Variants in CCSER1 observed in about 807,000 individuals in gnomAD.
CCSER1 encodes the protein serine-rich coiled-coil domain-containing protein 1.
Under a neutral mutation model 82.0 loss-of-function variants are expected in CCSER1, and 41 were observed. The observed-to-expected ratio is 0.50, with a 90% confidence interval of 0.39 to 0.65. The LOEUF (loss-of-function observed/expected upper bound fraction) is 0.65. Among genes scored for constraint, CCSER1 ranks in the 30% least tolerant of loss-of-function variants. The pLI is 0.00. For missense variants in CCSER1, 1,119 were observed against 1,064.2 expected (o/e 1.05, Z -0.72); for synonymous variants, 414 against 383.9 (o/e 1.08, Z -0.92).
At chr4:90,621,982 T>G (rs796298276) in intron 5 of CCSER1, among the ~76,000 whole-genome samples, 33 of 152,356 alleles carry the variant, frequency 2.2e-4, no homozygotes, top group African/African-American at 7.2e-4. Context: ...TATTTTGCTT[T>G]CTTTCATATG....
intron 4 of CCSER1, among the ~76,000 whole-genome samples, chr4:90,451,010 A>G (rs780350866): frequency 6.6e-6 from 1 of 152,240 alleles, no homozygotes; most frequent in Non-Finnish European, 1.5e-5. Flanking sequence ...AGAGTAATCC[A>G]TGGAATATGA....
chr4:90,132,025 C>T (rs1351485379), intron 1 of CCSER1, among the ~76,000 whole-genome samples: 1 of 152,048 alleles, frequency 6.6e-6, no homozygotes, highest in Non-Finnish European at 1.5e-5. Context: ...ACATGACTTT[C>T]AATAAATAAC....
intron 10 of CCSER1, among the ~76,000 whole-genome samples, chr4:91,243,324 G>C (rs2149132965): frequency 6.6e-6 from 1 of 152,298 alleles, no homozygotes; most frequent in East Asian, 1.9e-4. Flanking sequence ...TAACTTGAAA[G>C]GCAGTCTAGC....
chr4:90,451,670 A>G (rs775214029), intron 4 of CCSER1, among the ~76,000 whole-genome samples: 4 of 152,108 alleles, frequency 2.6e-5, no homozygotes, highest in Non-Finnish European at 4.4e-5. Flanking sequence ...AGCCCATTCT[A>G]TCTCTGCAGA....
chr4:91,308,610 C>A (rs1003924815), intron 10 of CCSER1, among the ~76,000 whole-genome samples: 2 of 151,792 alleles, frequency 1.3e-5, no homozygotes, highest in Admixed American at 6.6e-5. Flanking sequence ...ATTCTCAGTT[C>A]TGAAAAATGT....
intron 10 of CCSER1, among the ~76,000 whole-genome samples, chr4:91,225,315 AAT>A (rs1156801645): frequency 7.8e-6 from 1 of 128,382 alleles, no homozygotes; most frequent in African/African-American, 3.3e-5. Flanking sequence ...TTATATATGT[AAT>A]ATATATGTAT....
At chr4:90,212,818 A>C (rs1482590977) in intron 1 of CCSER1, among the ~76,000 whole-genome samples, 1 of 152,242 alleles carries the variant, frequency 6.6e-6, no homozygotes, top group African/African-American at 2.4e-5. Flanking sequence ...TTGAGCAGAG[A>C]TCTTTGGGTG....
chr4:90,589,387 G>T (rs1239424612), intron 5 of CCSER1, among the ~76,000 whole-genome samples: 7 of 151,876 alleles, frequency 4.6e-5, no homozygotes, highest in Non-Finnish European at 8.8e-5. Context: ...TTAAAAAAGA[G>T]TTTCATGTAC....
intron 10 of CCSER1, among the ~76,000 whole-genome samples, chr4:91,530,600 G>A (rs367746350): frequency 1.3e-5 from 2 of 151,182 alleles, no homozygotes; most frequent in African/African-American, 2.4e-5. Context: ...TACATATTTT[G>A]TCTCATTTCT....
intron 6 of CCSER1, among the ~76,000 whole-genome samples, chr4:90,702,039 C>T (rs1738259042): frequency 6.6e-6 from 1 of 152,150 alleles, no homozygotes; most frequent in African/African-American, 2.4e-5. Context: ...AGAGGGCACA[C>T]CTGCCTTGTG....
intron 10 of CCSER1, among the ~76,000 whole-genome samples, chr4:91,539,746 T>A (rs1371265801): frequency 6.6e-6 from 1 of 151,986 alleles, no homozygotes; most frequent in Non-Finnish European, 1.5e-5. Context: ...CTGTAATCAG[T>A]CTATCTATCA....
chr4:91,397,509 T>G (rs189689503), intron 10 of CCSER1, among the ~76,000 whole-genome samples: 3 of 152,234 alleles, frequency 2.0e-5, no homozygotes, highest in Admixed American at 1.3e-4. Flanking sequence ...TTCTTAAAAG[T>G]ATACACAGCA....
Position 90,457,584 on chromosome 4 carries a change from G to A in CCSER1, c.1604-10650G>A, listed in dbSNP as rs568495237. On this transcript the variant is annotated intron_variant, in intron 4 of 10. Coordinates refer to ENST00000509176, the MANE Select transcript of CCSER1 (RefSeq NM_001145065.2). ...ATGTCTGTTCAGCTCTCAGCTGAGA[G>A]AAGACCCACAGTGGGTAGCTCCTCC... Among the ~76,000 whole-genome samples the A allele has an allele frequency of 9.8e-5, 15 of 152,336 alleles. No individual in the cohort carries two copies. In the South Asian group the frequency reaches 2.3e-3, roughly 23 times the overall value.
At chr4:90,439,889 G>T (rs958065022) in intron 4 of CCSER1, among the ~76,000 whole-genome samples, 9 of 152,046 alleles carry the variant, frequency 5.9e-5, no homozygotes, top group African/African-American at 1.9e-4. Flanking sequence ...TCACCCTCAA[G>T]ATCTTTTTTA....
At chr4:91,261,801 T>A (rs1421715826) in intron 10 of CCSER1, among the ~76,000 whole-genome samples, 3 of 152,216 alleles carry the variant, frequency 2.0e-5, no homozygotes, top group African/African-American at 7.2e-5. Flanking sequence ...TTCACTATGT[T>A]GATTTTTAAA....
In CCSER1 at chr4:90,629,359, C is replaced by T. The variant is rs555278296; in HGVS notation, c.1932+1127C>T. Among the ~76,000 whole-genome samples, 2 of 152,288 alleles carry T rather than the reference C, an allele frequency of 1.3e-5. 1 individual carries two copies. The highest frequency in any genetic ancestry group is 2.9e-5 in the Non-Finnish European group (2 of 68,026). Reference sequence around the variant, plus strand: ...TTATAAAGGAAAGAGATTTAGTTGACTCACAGTTCCATATGGCTGGGGAGG... The same window carrying T: ...TTATAAAGGAAAGAGATTTAGTTGATTCACAGTTCCATATGGCTGGGGAGG... On this transcript the variant is annotated intron_variant, in intron 6 of 10. Coordinates refer to ENST00000509176, the MANE Select transcript of CCSER1 (RefSeq NM_001145065.2).
At chr4:90,633,076 T>C (rs1030022365) in intron 6 of CCSER1, among the ~76,000 whole-genome samples, 1 of 152,102 alleles carries the variant, frequency 6.6e-6, no homozygotes, top group African/African-American at 2.4e-5. Flanking sequence ...AATCTTCCTT[T>C]TCCCAGTGAT....
At chr4:91,502,879 T>G (rs909083156) in intron 10 of CCSER1, among the ~76,000 whole-genome samples, 1 of 152,198 alleles carries the variant, frequency 6.6e-6, no homozygotes, top group Non-Finnish European at 1.5e-5. Context: ...TTAACATATA[T>G]TCAAATTGCA....
At chr4:90,193,288 C>T (rs1735991186) in intron 1 of CCSER1, among the ~76,000 whole-genome samples, 1 of 152,016 alleles carries the variant, frequency 6.6e-6, no homozygotes, top group Admixed American at 6.6e-5. Flanking sequence ...ATAACAGGTG[C>T]CTGGCACATA....
Sources: allele counts gnomAD v4.1 joint callset (sites outside exome capture counted in the v4.1 genomes callset), GRCh38; gene constraint gnomAD v4.1.1; transcripts MANE v1.5; gene names NCBI Gene and HGNC (gene_info 2026-07-23, HGNC 2026-07-21).